Variants in USP7 observed in about 807,000 individuals in gnomAD.
USP7 encodes ubiquitin specific peptidase 7.
A neutral mutation model predicts 162.9 loss-of-function variants in USP7; 9 were observed. The observed-to-expected ratio is 0.06, with a 90% CI of 0.03 to 0.10. The LOEUF (loss-of-function observed/expected upper bound fraction) is 0.10, where lower values mean the gene tolerates loss of function less well. Ranked by LOEUF, USP7 falls within the 10% of genes least tolerant of loss-of-function variation. The pLI is 1.00. For missense variants in USP7, 715 were observed against 1,373.7 expected (o/e 0.52, Z 7.58); for synonymous variants, 562 against 475.9 (o/e 1.18, Z -2.35).
At chr16:8,956,115 G>A (rs1002012345) in intron 1 of USP7, among the ~76,000 whole-genome samples, 3 of 152,128 alleles carry the variant, frequency 2.0e-5, no homozygotes, top group African/African-American at 4.8e-5. Flanking sequence ...CATAACACAG[G>A]ACACTGTCCT....
Position 8,915,427 on chromosome 16 carries a change from G to T in USP7, c.987+18C>A. On this transcript the variant is annotated intron_variant, in intron 9 of 30. Transcript: ENST00000344836. ...TAAAACCTTTAAAAATCATCTTTTAGAACTGGTAGCCACATACCACCATTT... is the reference window on the plus strand; with the variant it reads ...TAAAACCTTTAAAAATCATCTTTTATAACTGGTAGCCACATACCACCATTT... 1.2e-6 allele frequency: 2 copies of T among 1,613,698 alleles called. No homozygotes were observed. Among genetic ancestry groups the T allele is most frequent in the Non-Finnish European group, 8.5e-7 (1 of 1,179,934 alleles).
chr16:8,897,330 C>A, intron 25 of USP7: 1 of 501,248 alleles, frequency 2.0e-6, no homozygotes, highest in African/African-American at 1.9e-5. Context: ...CAAAAGTGGC[C>A]TTGATGCAAG....
chr16:8,933,043 C>T (rs948170619), intron 1 of USP7, among the ~76,000 whole-genome samples: 1 of 151,980 alleles, frequency 6.6e-6, no homozygotes, highest in Non-Finnish European at 1.5e-5. Context: ...GGGGTGCCAG[C>T]GATTCTCCTG....
Position 8,963,451 on chromosome 16 carries a change from GGGC to G in USP7, c.-169_-167del, listed in dbSNP as rs1050315230. 3 of 143,636 alleles carry G rather than the reference GGGC, an allele frequency of 2.1e-5. No individual in the cohort carries two copies. Among genetic ancestry groups the G allele is most frequent in the East Asian group, 2.1e-4 (1 of 4,718 alleles). The allele number at this position is 143,636 out of a possible 1,614,324, so 8.9% of individuals were successfully genotyped here. Reference sequence around the variant, plus strand: ...CGGCGGCCCCGGGGCGGCCCGCGGCGGGCGGCGGCGGCGGCAGGGAGACGCGCA... The same window carrying G: ...CGGCGGCCCCGGGGCGGCCCGCGGCGGGCGGCGGCGGCAGGGAGACGCGCA... On this transcript the variant is annotated 5_prime_UTR_variant, in exon 1 of 31. Transcript: ENST00000344836.
chr16:8,936,644 G>A (rs1238520262), intron 1 of USP7: 1 of 1,554,546 alleles, frequency 6.4e-7, no homozygotes, highest in Admixed American at 1.9e-5. Flanking sequence ...GCCTCTGCTG[G>A]GGGATGGGGG....
intron 1 of USP7, among the ~76,000 whole-genome samples, chr16:8,933,305 G>A (rs533471748): frequency 6.6e-6 from 1 of 152,048 alleles, no homozygotes; most frequent in Non-Finnish European, 1.5e-5. Context: ...CAGCACTTGT[G>A]GGGGGCCAAG....
chr16:8,915,208 T>C (rs1360287913), intron 10 of USP7, 46 bp downstream of exon 10: 3 of 1,498,466 alleles, frequency 2.0e-6, no homozygotes, highest in East Asian at 2.3e-5. Context: ...TAAAACACAG[T>C]AGAAATCATC....
intron 1 of USP7, among the ~76,000 whole-genome samples, chr16:8,942,453 AC>A (rs1276084207): frequency 6.6e-6 from 1 of 152,042 alleles, no homozygotes; most frequent in African/African-American, 2.4e-5. Flanking sequence ...CCTGCACCTC[AC>A]CCCAGCCTGT....
chr16:8,929,621 T>C, intron 2 of USP7: 1 of 455,950 alleles, frequency 2.2e-6, no homozygotes, highest in South Asian at 1.5e-5. Flanking sequence ...CACTCAAGAC[T>C]CCAGGGGCTG....
Position 8,908,427 on chromosome 16 carries a change from G to A in USP7, c.1185C>T (p.Phe395=). 6.2e-7 allele frequency: 1 copy of A among 1,612,402 alleles called. No homozygotes were observed. Among genetic ancestry groups the A allele is most frequent in the Non-Finnish European group, 8.5e-7 (1 of 1,179,388 alleles). The change falls in exon 12 of 31, where the codon TTC becomes TTT. Residue 395 remains phenylalanine, a synonymous_variant. Coordinates refer to ENST00000344836, the MANE Select transcript of USP7 (RefSeq NM_003470.3). ...GATGTAACACTGGTGGCAATGTTAG[G>A]AATTTCACACCTTTCTCTGCTTCCT... ...GLQEAEKGVK[F]LTLPPVLHLQ...
chr16:8,928,759 G>T (rs1175830684), intron 2 of USP7, among the ~76,000 whole-genome samples: 1 of 152,160 alleles, frequency 6.6e-6, no homozygotes, highest in East Asian at 1.9e-4. Context: ...CACAAGAAGG[G>T]CATTTCCACT....
chr16:8,951,569 G>A (rs897339798), intron 1 of USP7, among the ~76,000 whole-genome samples: 1 of 152,180 alleles, frequency 6.6e-6, no homozygotes, highest in African/African-American at 2.4e-5. Flanking sequence ...CAGAGGGCTT[G>A]TGGGCATGAG....
chr16:8,915,701 C>G (rs1165086827), intron 8 of USP7, among the ~76,000 whole-genome samples, 176 bp from the exon 9 acceptor site: 2 of 152,188 alleles, frequency 1.3e-5, no homozygotes, highest in Non-Finnish European at 2.9e-5. Flanking sequence ...TGGATTTTTA[C>G]AAACATCTCT....
At chr16:8,957,729 C>T (rs943570024) in intron 1 of USP7, among the ~76,000 whole-genome samples, 12 of 151,440 alleles carry the variant, frequency 7.9e-5, no homozygotes, top group Admixed American at 5.9e-4. Context: ...TGCACTACAG[C>T]CAGAGCAACA....
chr16:8,958,401 G>A (rs149687118), intron 1 of USP7, among the ~76,000 whole-genome samples: 1 of 152,330 alleles, frequency 6.6e-6, no homozygotes, highest in East Asian at 1.9e-4. Flanking sequence ...GCGACTTCCT[G>A]TAGAGAAGGC....
intron 2 of USP7, among the ~76,000 whole-genome samples, chr16:8,923,832 A>T (rs1897843009): frequency 6.6e-6 from 1 of 152,206 alleles, no homozygotes; most frequent in Admixed American, 6.5e-5. Context: ...CTGACTTTAC[A>T]GAGCACGGAA....
rs1433953713 is a variant in USP7 at position 8,900,025 on chromosome 16, T to C, written c.2310-268A>G. On this transcript the variant is annotated intron_variant, in intron 21 of 30. Transcript: ENST00000344836. ...CAAAACCCCCTTAGGTAACAGCACC[T>C]GCTCTCCTCTACAGGAGCAGACCCA... 4 of 533,244 alleles carry C rather than the reference T, an allele frequency of 7.5e-6. No homozygotes were observed. In the Admixed American group the frequency reaches 1.0e-4, roughly 14 times the overall value. The allele number at this position is 533,244 out of a possible 1,614,324, so 33.0% of individuals were successfully genotyped here. A position where few individuals can be genotyped will look rare whatever the true frequency, so the allele number is the denominator to read the frequency against.
chr16:8,951,899 C>T (rs967738047), intron 1 of USP7, among the ~76,000 whole-genome samples: 22 of 152,346 alleles, frequency 1.4e-4, no homozygotes, highest in African/African-American at 5.1e-4. Context: ...CCAAATGCCA[C>T]CTGCAGTGTA....
chr16:8,901,454 A>G (rs2061773146), intron 18 of USP7, among the ~76,000 whole-genome samples: 1 of 152,180 alleles, frequency 6.6e-6, no homozygotes, highest in South Asian at 2.1e-4. Flanking sequence ...CATCAGACCC[A>G]TGGAAACCCA....
Sources: allele counts gnomAD v4.1 joint callset (sites outside exome capture counted in the v4.1 genomes callset), GRCh38; gene constraint gnomAD v4.1.1; transcripts MANE v1.5; gene names NCBI Gene and HGNC (gene_info 2026-07-23, HGNC 2026-07-21).